The following PCDHA2 variants were observed in gnomAD, a reference collection of about 807,000 sequenced individuals.
The protein encoded by PCDHA2 is protocadherin alpha-2.
In PCDHA2, 58 loss-of-function variants were observed where a neutral mutation model predicts 66.0. The observed-to-expected ratio is 0.88, with a 90% CI of 0.71 to 1.09. The LOEUF (loss-of-function observed/expected upper bound fraction) is 1.09. Ranked by LOEUF, PCDHA2 falls within the 50% of genes least tolerant of loss-of-function variation. The pLI is 0.00. For synonymous variants in PCDHA2, 634 were observed against 554.0 expected, an observed-to-expected ratio of 1.14 and a Z score of -2.03; for missense variants, 1,267 against 1,242.3, an observed-to-expected ratio of 1.02 and a Z score of -0.30.
intron 1 of PCDHA2, chr5:140,813,574 G>A (rs1765337432): frequency 6.6e-6 from 1 of 152,206 alleles, no homozygotes; most frequent in Non-Finnish European, 1.5e-5. Context: ...AGACTGCGGG[G>A]CTGGAAATTT....
At chr5:140,842,605 G>T (rs1198033528) in intron 1 of PCDHA2, 2 of 1,550,578 alleles carry the variant, frequency 1.3e-6, no homozygotes, top group African/African-American at 2.9e-5. Context: ...TAACCGCGCG[G>T]GACGGGGGCT....
chr5:140,982,689 T>A, intron 3 of PCDHA2, 126 bp downstream of exon 3: 1 of 1,413,688 alleles, frequency 7.1e-7, no homozygotes, highest in Non-Finnish European at 9.3e-7. Context: ...CTTTTTTCCA[T>A]ACATACATGA....
chr5:140,875,752 A>G lies in PCDHA2; in HGVS notation c.2388+78400A>G, dbSNP rs782489258. On this transcript the variant is annotated intron_variant, in intron 1 of 3. Transcript: ENST00000526136. ...TGTGAATTCTCGGATCGACCGCGAGAAGCTGTGCGGGCGGAGCGCGGAGTG... is the reference window on the plus strand; with the variant it reads ...TGTGAATTCTCGGATCGACCGCGAGGAGCTGTGCGGGCGGAGCGCGGAGTG... 53 of 1,614,084 alleles carry G rather than the reference A, an allele frequency of 3.3e-5. No homozygotes were observed. The highest frequency in any genetic ancestry group is 3.2e-4 in the African/African-American group (24 of 74,918).
chr5:140,842,517 C>T (rs2150337878), intron 1 of PCDHA2: 7 of 1,613,506 alleles, frequency 4.3e-6, no homozygotes, highest in South Asian at 1.1e-5. Context: ...AAGCTGGTGT[C>T]CACCTTCAAG....
intron 1 of PCDHA2, among the ~76,000 whole-genome samples, chr5:140,914,476 G>C (rs1054000684): frequency 6.6e-6 from 1 of 152,140 alleles, no homozygotes; most frequent in Non-Finnish European, 1.5e-5. Context: ...CTTCATAGGT[G>C]AAGTGTTTCT....
intron 1 of PCDHA2, chr5:140,967,393 G>A (rs1437861925): frequency 1.2e-6 from 2 of 1,609,910 alleles, no homozygotes; most frequent in African/African-American, 2.7e-5. Flanking sequence ...TGCTTGAGCT[G>A]GTGCTGCGTA....
At chr5:140,899,654 GTC>G (rs1197760857) in intron 1 of PCDHA2, among the ~76,000 whole-genome samples, 4 of 152,276 alleles carry the variant, frequency 2.6e-5, no homozygotes, top group African/African-American at 9.6e-5. Context: ...ATTTGGTTGT[GTC>G]TCTGCCCGGC....
At chr5:140,821,044 G>A (rs2150108572) in intron 1 of PCDHA2, among the ~76,000 whole-genome samples, 54 of 151,848 alleles carry the variant, frequency 3.6e-4, no homozygotes, top group Non-Finnish European at 6.5e-4. Flanking sequence ...AAGAAACTCA[G>A]GTAAGAATGC....
chr5:140,928,697 G>C, intron 1 of PCDHA2: 9 of 1,614,124 alleles, frequency 5.6e-6, no homozygotes, highest in Non-Finnish European at 5.9e-6. Context: ...CACATCTCCC[G>C]GGCGTCTGAC....
chr5:140,857,560 G>C, intron 1 of PCDHA2: 1 of 1,596,914 alleles, frequency 6.3e-7, no homozygotes, highest in Non-Finnish European at 8.6e-7. Flanking sequence ...GCTCGCTGTC[G>C]AGCTACGTGT....
At position 140,870,536 on chromosome 5, in the gene PCDHA2, C is replaced by T. The variant is rs782205013; in HGVS notation, c.2388+73184C>T. On this transcript the variant is annotated intron_variant, in intron 1 of 3. Transcript: ENST00000526136. ...GGCTGCCACATCTTCACAGTGTCGGCGCGGGACGCGGACGCGCAGGAGAAC... is the reference window on the plus strand; with the variant it reads ...GGCTGCCACATCTTCACAGTGTCGGTGCGGGACGCGGACGCGCAGGAGAAC... 1.1e-5 allele frequency: 18 copies of T among 1,614,036 alleles called. No individual in the cohort carries two copies. The Admixed American group carries it at 3.0e-4, about 27-fold the overall frequency.
At position 140,950,434 on chromosome 5, in the gene PCDHA2, A is replaced by G. The variant is rs554490421; in HGVS notation, c.2389-28515A>G. Among the ~76,000 whole-genome samples, 4 of 152,176 alleles carry G rather than the reference A, an allele frequency of 2.6e-5. No homozygotes were observed. The South Asian group carries it at 8.3e-4, about 32-fold the overall frequency. On this transcript the variant is annotated intron_variant, in intron 1 of 3. Transcript: ENST00000526136. ...AGATTTTATTTTCTTCCACTTAAAA[A>G]AAATGTTATTCTACTGTCTTCTAAT...
At chr5:140,862,844 C>G (rs782433146) in intron 1 of PCDHA2, 1 of 571,262 alleles carries the variant, frequency 1.8e-6, no homozygotes. Flanking sequence ...GGCATGCCGC[C>G]TCTGAGCAGC....
intron 1 of PCDHA2, among the ~76,000 whole-genome samples, chr5:140,957,433 A>G (rs2095359030): frequency 6.6e-6 from 1 of 152,202 alleles, no homozygotes; most frequent in Non-Finnish European, 1.5e-5. Flanking sequence ...TACTGTGCCT[A>G]ATTTATAAAT....
Position 140,967,363 on chromosome 5 carries a change from C to T in PCDHA2, c.2389-11586C>T, listed in dbSNP as rs539138806. On this transcript the variant is annotated intron_variant, in intron 1 of 3. Coordinates refer to ENST00000526136, the MANE Select transcript of PCDHA2 (RefSeq NM_018905.3). ...AGCACTTCGAGCTGGACCTTAAGCCCCTGCAGGAGAACAGTAAAGTGCTTG... is the reference window on the plus strand; with the variant it reads ...AGCACTTCGAGCTGGACCTTAAGCCTCTGCAGGAGAACAGTAAAGTGCTTG... The T allele has an allele frequency of 1.6e-5, 26 of 1,607,546 alleles. No homozygotes were observed. The South Asian group carries it at 2.9e-4, about 18-fold the overall frequency.
intron 1 of PCDHA2, among the ~76,000 whole-genome samples, chr5:140,819,477 A>T (rs1335807902): frequency 6.6e-6 from 1 of 152,148 alleles, no homozygotes; most frequent in Non-Finnish European, 1.5e-5. Context: ...TTACACAATG[A>T]TGCTTAAACA....
intron 1 of PCDHA2, among the ~76,000 whole-genome samples, chr5:140,941,192 TTTCTTTCTTCC>T (rs1330855559): frequency 1.0e-5 from 1 of 99,660 alleles, no homozygotes; most frequent in Non-Finnish European, 2.1e-5. Flanking sequence ...CTTCTTTTTT[TTTCTTTCTTCC>T]TTTCTTTCTT....
chr5:140,863,445 C>A, intron 1 of PCDHA2: 1 of 582,886 alleles, frequency 1.7e-6, no homozygotes, highest in South Asian at 1.4e-5. Flanking sequence ...GTCTTACTCG[C>A]AGCAAAGGAG....
At chr5:140,801,835 C>T (rs1762796543) in intron 1 of PCDHA2, 2 of 1,614,054 alleles carry the variant, frequency 1.2e-6, no homozygotes. Context: ...TTACTAATAA[C>T]AGCAATTGAT....
Sources: allele counts gnomAD v4.1 joint callset (sites outside exome capture counted in the v4.1 genomes callset), GRCh38; gene constraint gnomAD v4.1.1; transcripts MANE v1.5; gene names NCBI Gene and HGNC (gene_info 2026-07-23, HGNC 2026-07-21).